The following ZNF521 variants were observed in gnomAD, a reference collection of about 807,000 sequenced individuals.
The protein encoded by ZNF521 is LYST-interacting protein 3.
ZNF521 carries 14 observed loss-of-function variants against 105.5 expected under a neutral mutation model. The ratio of observed to expected loss-of-function variants is 0.13; its 90% CI spans 0.09 to 0.21. The LOEUF is 0.21. ZNF521 is among the 10% of genes least tolerant of loss of function. The pLI, the probability that ZNF521 is intolerant of heterozygous loss-of-function variation, is 1.00. For missense variants in ZNF521, 1,233 were observed against 1,629.7 expected, an observed-to-expected ratio of 0.76 and a Z score of 4.19; for synonymous variants, 635 against 606.0, an observed-to-expected ratio of 1.05 and a Z score of -0.70.
chr18:25,113,761 G>GACACACACACACACACACACACACACAC (rs10667710), intron 5 of ZNF521, among the ~76,000 whole-genome samples: 4 of 101,676 alleles, frequency 3.9e-5, no homozygotes, highest in Non-Finnish European at 6.1e-5. Context: ...AGGACGGACG[G>GACACACACACACACACACACACACACAC]ACACACACAC....
At chr18:25,078,911 T>C (rs1028221421) in intron 7 of ZNF521, among the ~76,000 whole-genome samples, 2 of 152,268 alleles carry the variant, frequency 1.3e-5, no homozygotes, top group Admixed American at 6.5e-5. Flanking sequence ...CACAAAGGGA[T>C]AGGACAGAGT....
Position 25,099,614 on chromosome 18 carries a change from G to A in ZNF521, c.3659-7533C>T, listed in dbSNP as rs888463648. Among the ~76,000 whole-genome samples, 6 of 152,070 alleles carry A rather than the reference G, an allele frequency of 3.9e-5. No individual in the cohort carries two copies. The East Asian group carries it at 5.8e-4, about 15-fold the overall frequency. On this transcript the variant is annotated intron_variant, in intron 5 of 7. Coordinates refer to ENST00000361524, the MANE Select transcript of ZNF521 (RefSeq NM_015461.3). ...CAAGTCATAGAGAAGTCTCTATACC[G>A]TACATCCATGACCAATAAACAATTT...
intron 5 of ZNF521, among the ~76,000 whole-genome samples, chr18:25,164,249 C>T (rs1025432949): frequency 3.3e-5 from 5 of 152,078 alleles, no homozygotes; most frequent in African/African-American, 1.2e-4. Context: ...GGGCTGTCCC[C>T]GGAGTGGGTT....
chr18:25,285,696 TCTCA>T (rs1220277533), intron 3 of ZNF521, among the ~76,000 whole-genome samples: 75 of 127,106 alleles, frequency 5.9e-4, no homozygotes, highest in African/African-American at 2.3e-3. Context: ...TCTCTCTCTC[TCTCA>T]CACACACACA....
chr18:25,067,177 C>T (rs76330621), intron 7 of ZNF521, among the ~76,000 whole-genome samples: 3 of 151,862 alleles, frequency 2.0e-5, no homozygotes, highest in South Asian at 4.2e-4. Flanking sequence ...TTGTTTTACA[C>T]GAGGGGGGTT....
chr18:25,282,562 C>A (rs151118924), intron 3 of ZNF521, among the ~76,000 whole-genome samples: 148 of 152,102 alleles, frequency 9.7e-4, no homozygotes, highest in Non-Finnish European at 1.7e-3. Flanking sequence ...ATGGAGGGGG[C>A]GGTGCATGGT....
At chr18:25,103,668 C>A (rs56233715) in intron 5 of ZNF521, among the ~76,000 whole-genome samples, 9,135 of 152,090 alleles carry the variant, frequency 0.06, 469 homozygotes, top group African/African-American at 0.13. Flanking sequence ...ATGAATCATA[C>A]TCATTTCTAG....
At chr18:25,338,259 T>TTTTGTG (rs1555666852) in intron 2 of ZNF521, among the ~76,000 whole-genome samples, 6 of 136,596 alleles carry the variant, frequency 4.4e-5, no homozygotes, top group African/African-American at 1.6e-4. Flanking sequence ...TCATAGACTT[T>TTTTGTG]TGTGTGTGTG....
intron 3 of ZNF521, among the ~76,000 whole-genome samples, chr18:25,317,245 C>T (rs999246078): frequency 6.6e-6 from 1 of 151,964 alleles, no homozygotes; most frequent in African/African-American, 2.4e-5. Flanking sequence ...CAAAATAAAC[C>T]AAACATTTTA....
At chr18:25,182,236 G>A (rs987348871) in intron 5 of ZNF521, among the ~76,000 whole-genome samples, 4 of 152,172 alleles carry the variant, frequency 2.6e-5, no homozygotes, top group Non-Finnish European at 5.9e-5. Flanking sequence ...CCCCTGTGAA[G>A]AGCAAATTCT....
intron 5 of ZNF521, among the ~76,000 whole-genome samples, chr18:25,125,327 A>G (rs922911726): frequency 2.6e-5 from 4 of 152,096 alleles, no homozygotes; most frequent in African/African-American, 9.7e-5. Context: ...ACAGTTTGGC[A>G]TTTTACACTT....
intron 3 of ZNF521, among the ~76,000 whole-genome samples, chr18:25,284,009 T>C (rs1192929114): frequency 3.3e-5 from 5 of 150,030 alleles, no homozygotes; most frequent in Non-Finnish European, 7.4e-5. Flanking sequence ...GTCCTCCTTG[T>C]CTTTGTCTGC....
At chr18:25,135,365 A>T (rs1600079011) in intron 5 of ZNF521, among the ~76,000 whole-genome samples, 1 of 151,234 alleles carries the variant, frequency 6.6e-6, no homozygotes, top group African/African-American at 2.4e-5. Flanking sequence ...CAGAAATCCA[A>T]CCTGCTTGTT....
At chr18:25,097,850 T>C (rs192462849) in intron 5 of ZNF521, among the ~76,000 whole-genome samples, 8 of 152,322 alleles carry the variant, frequency 5.3e-5, no homozygotes, top group African/African-American at 1.9e-4. Flanking sequence ...TTTTGGACTT[T>C]ATAAGCAAAG....
chr18:25,144,708 GA>G (rs1456247873), intron 5 of ZNF521, among the ~76,000 whole-genome samples: 3 of 152,142 alleles, frequency 2.0e-5, no homozygotes, highest in African/African-American at 7.2e-5. Context: ...AACCAAGGCT[GA>G]AACACTTGAA....
intron 5 of ZNF521, among the ~76,000 whole-genome samples, chr18:25,116,912 CGTATATCTAT>C (rs2034322212): frequency 4.6e-5 from 6 of 130,960 alleles, no homozygotes; most frequent in Admixed American, 7.6e-5. Context: ...TGTATATATA[CGTATATCTAT>C]GTATATATAT....
At chr18:25,315,052 CCT>C (rs1005098614) in intron 3 of ZNF521, among the ~76,000 whole-genome samples, 14 of 152,180 alleles carry the variant, frequency 9.2e-5, no homozygotes, top group African/African-American at 2.9e-4. Context: ...CTCCCCACCC[CCT>C]GAGGGAATTG....
intron 2 of ZNF521, among the ~76,000 whole-genome samples, chr18:25,327,189 C>G (rs1318436705): frequency 2.6e-5 from 4 of 152,132 alleles, no homozygotes; most frequent in African/African-American, 9.7e-5. Context: ...TTCTTTCTTT[C>G]AAGGATATTG....
At chr18:25,207,387 G>A (rs1399323508) in intron 4 of ZNF521, among the ~76,000 whole-genome samples, 3 of 152,088 alleles carry the variant, frequency 2.0e-5, no homozygotes, top group African/African-American at 7.2e-5. Context: ...GCAACTCATC[G>A]GGGCTCCTCG....
Sources: gnomAD v4.1 joint callset for allele counts (sites outside exome capture counted in the v4.1 genomes callset) on GRCh38, gnomAD v4.1.1 for gene constraint, MANE v1.5 for transcripts, NCBI Gene and HGNC (gene_info 2026-07-23, HGNC 2026-07-21) for gene names.